MAMDC2: variants seen among roughly 807,000 people sequenced by gnomAD.
The protein encoded by MAMDC2 is MAM domain-containing protein 2.
A neutral mutation model predicts 89.8 loss-of-function variants in MAMDC2; 57 were observed. That is an observed-to-expected ratio of 0.63 (90% CI 0.51 to 0.79). The LOEUF (loss-of-function observed/expected upper bound fraction) is 0.79, where lower values mean the gene tolerates loss of function less well. MAMDC2 is among the 30% of genes least tolerant of loss of function. The probability of loss-of-function intolerance (pLI) is 0.00; values close to 1 mark genes in which losing one functional copy is unlikely to be tolerated. For synonymous variants in MAMDC2, 313 were observed against 293.4 expected, an observed-to-expected ratio of 1.07 and a Z score of -0.68; for missense variants, 800 against 820.6, an observed-to-expected ratio of 0.97 and a Z score of 0.31.
chr9:70,154,631 C>T (rs1276156022), intron 9 of MAMDC2, among the ~76,000 whole-genome samples: 1 of 150,068 alleles, frequency 6.7e-6, no homozygotes, highest in Non-Finnish European at 1.5e-5. Context: ...CTCAAGCAGT[C>T]CTCCCACCTC....
At chr9:70,060,931 A>AC (rs1455998863) in intron 2 of MAMDC2, among the ~76,000 whole-genome samples, 1 of 152,178 alleles carries the variant, frequency 6.6e-6, no homozygotes, top group Non-Finnish European at 1.5e-5. Flanking sequence ...ATCATCATGG[A>AC]TTTTTCTTTT....
chr9:70,111,577 T>C (rs1398534885), intron 4 of MAMDC2, among the ~76,000 whole-genome samples: 2 of 152,246 alleles, frequency 1.3e-5, no homozygotes, highest in Non-Finnish European at 2.9e-5. Flanking sequence ...AATATTTTGC[T>C]TTTTATTTTA....
chr9:70,100,169 C>A (rs1054938212), intron 2 of MAMDC2, among the ~76,000 whole-genome samples: 3 of 152,132 alleles, frequency 2.0e-5, no homozygotes, highest in Non-Finnish European at 2.9e-5. Context: ...AAGAACTTGG[C>A]TCTGTGCTAA....
chr9:70,123,525 A>T (rs112485264), intron 5 of MAMDC2, among the ~76,000 whole-genome samples: 22 of 152,298 alleles, frequency 1.4e-4, no homozygotes, highest in African/African-American at 4.8e-4. Context: ...GGCGCATACA[A>T]AGTTTAAAAA....
At chr9:70,104,759 A>G (rs1828288301) in intron 2 of MAMDC2, among the ~76,000 whole-genome samples, 1 of 152,108 alleles carries the variant, frequency 6.6e-6, no homozygotes, top group Admixed American at 6.5e-5. Flanking sequence ...CAGAAAGTAG[A>G]TTTGTAGTTT....
intron 9 of MAMDC2, among the ~76,000 whole-genome samples, chr9:70,164,824 G>C (rs1404031759): frequency 6.6e-6 from 1 of 151,776 alleles, no homozygotes; most frequent in African/African-American, 2.4e-5. Flanking sequence ...TTCTTTTGTA[G>C]AGATGGAACC....
chr9:70,082,761 G>A (rs1296041269), intron 2 of MAMDC2: 1 of 152,094 alleles, frequency 6.6e-6, no homozygotes, highest in Non-Finnish European at 1.5e-5. Flanking sequence ...AATTACTGTT[G>A]GAGGGCTGAT....
intron 2 of MAMDC2, among the ~76,000 whole-genome samples, chr9:70,090,000 T>C (rs1031204620): frequency 2.6e-5 from 4 of 152,038 alleles, no homozygotes; most frequent in African/African-American, 9.7e-5. Flanking sequence ...AAAAAACGAA[T>C]GAACTAGGGG....
At chr9:70,062,784 C>A (rs764130324) in intron 2 of MAMDC2, 1 of 152,198 alleles carries the variant, frequency 6.6e-6, no homozygotes, top group Non-Finnish European at 1.5e-5. Context: ...AGAATAAATT[C>A]TTCTACTGCC....
At chr9:70,073,801 T>C (rs1013287243) in intron 2 of MAMDC2, among the ~76,000 whole-genome samples, 36 of 152,212 alleles carry the variant, frequency 2.4e-4, no homozygotes, top group Non-Finnish European at 5.1e-4. Flanking sequence ...TCTCTCATCA[T>C]TCCAGTCCTG....
At chr9:70,202,764 G>T (rs2033130773) in intron 11 of MAMDC2, among the ~76,000 whole-genome samples, 2 of 151,504 alleles carry the variant, frequency 1.3e-5, no homozygotes, top group Admixed American at 6.6e-5. Flanking sequence ...ATATATTTAG[G>T]ATAGTTAGCT....
At chr9:70,137,666 C>T (rs2031058905) in intron 7 of MAMDC2, among the ~76,000 whole-genome samples, 1 of 152,172 alleles carries the variant, frequency 6.6e-6, no homozygotes, top group African/African-American at 2.4e-5. Flanking sequence ...GTTTCATCGG[C>T]TCACTGCTCC....
At chr9:70,094,228 A>G (rs974422997) in intron 2 of MAMDC2, among the ~76,000 whole-genome samples, 5 of 152,236 alleles carry the variant, frequency 3.3e-5, no homozygotes, top group African/African-American at 1.2e-4. Context: ...GAGAACCAAA[A>G]TGGCATTCAA....
chr9:70,158,398 T>C (rs1043427654), intron 9 of MAMDC2, among the ~76,000 whole-genome samples: 2 of 151,986 alleles, frequency 1.3e-5, no homozygotes, highest in South Asian at 2.1e-4. Flanking sequence ...AAAACATAAA[T>C]CTTTCACTTT....
chr9:70,049,840 A>C (rs1256882520), intron 2 of MAMDC2, among the ~76,000 whole-genome samples: 1 of 152,138 alleles, frequency 6.6e-6, no homozygotes, highest in Non-Finnish European at 1.5e-5. Flanking sequence ...GCCTGAGGGC[A>C]GCCTTGCTTC....
At chr9:70,066,235 CA>C (rs1481305881) in intron 2 of MAMDC2, among the ~76,000 whole-genome samples, 8 of 152,042 alleles carry the variant, frequency 5.3e-5, no homozygotes, top group African/African-American at 9.7e-5. Context: ...GTGCTCCAGG[CA>C]GAGGGGAAAG....
intron 9 of MAMDC2, among the ~76,000 whole-genome samples, chr9:70,160,081 G>A (rs1031199394): frequency 1.3e-5 from 2 of 152,062 alleles, no homozygotes; most frequent in Non-Finnish European, 2.9e-5. Context: ...GCATGGTGGC[G>A]CATGCTTGTA....
At chr9:70,103,972 A>T (rs1828267440) in intron 2 of MAMDC2, among the ~76,000 whole-genome samples, 1 of 150,042 alleles carries the variant, frequency 6.7e-6, no homozygotes, top group Admixed American at 6.6e-5. Flanking sequence ...GCACAGCAAG[A>T]CTCCGTCTCC....
intron 9 of MAMDC2, among the ~76,000 whole-genome samples, chr9:70,152,406 C>T (rs1021571682): frequency 6.6e-6 from 1 of 152,120 alleles, no homozygotes; most frequent in South Asian, 2.1e-4. Flanking sequence ...TCATTTGATG[C>T]CACAGCTCCC....
Sources: allele counts gnomAD v4.1 joint callset (sites outside exome capture counted in the v4.1 genomes callset), GRCh38; gene constraint gnomAD v4.1.1; transcripts MANE v1.5; gene names NCBI Gene and HGNC (gene_info 2026-07-23, HGNC 2026-07-21).